ACACA: variants seen among roughly 807,000 people sequenced by gnomAD.
ACACA encodes the protein acetyl-CoA carboxylase alpha.
In ACACA, 103 loss-of-function variants were observed where a neutral mutation model predicts 296.1. The ratio of observed to expected loss-of-function variants is 0.35; its 90% CI spans 0.30 to 0.41. ACACA has a LOEUF of 0.41. Among genes scored for constraint, ACACA ranks in the 10% least tolerant of loss-of-function variants. The pLI is 1.00. For synonymous variants in ACACA, 953 were observed against 1,038.6 expected (o/e 0.92, Z 1.58); for missense variants, 1,554 against 2,989.7 (o/e 0.52, Z 11.20).
At chr17:37,271,865 G>A (rs1014581831) in intron 9 of ACACA, among the ~76,000 whole-genome samples, 3 of 152,122 alleles carry the variant, frequency 2.0e-5, no homozygotes, top group South Asian at 2.1e-4. Context: ...CCAGCTACTC[G>A]GGAGGCTGCG....
At chr17:37,353,347 A>C (rs950423461) in intron 1 of ACACA, among the ~76,000 whole-genome samples, 7 of 152,194 alleles carry the variant, frequency 4.6e-5, no homozygotes, top group Non-Finnish European at 1.0e-4. Context: ...ATGCTTATAA[A>C]AAAAGAAGAT....
chr17:37,385,665 C>A (rs1597771471), intron 1 of ACACA, among the ~76,000 whole-genome samples: 1 of 152,196 alleles, frequency 6.6e-6, no homozygotes, highest in East Asian at 1.9e-4. Context: ...TTGGAGCCAT[C>A]TCTTTTTAAA....
chr17:37,198,675 A>G (rs1290938258), intron 35 of ACACA, among the ~76,000 whole-genome samples: 1 of 152,212 alleles, frequency 6.6e-6, no homozygotes, highest in African/African-American at 2.4e-5. Flanking sequence ...TCCTGACATC[A>G]ATAACACAGG....
At chr17:37,214,273 G>A (rs748477362) in intron 29 of ACACA, among the ~76,000 whole-genome samples, 7 of 152,262 alleles carry the variant, frequency 4.6e-5, no homozygotes, top group East Asian at 1.9e-4. Context: ...TCTGAACCAC[G>A]TATTTCTACT....
In ACACA at chr17:37,185,402, C is replaced by CTTTTT. The variant is rs67821579; in HGVS notation, c.4776+2870_4776+2874dup. Among the ~76,000 whole-genome samples the CTTTTT allele has an allele frequency of 7.8e-4, 38 of 48,434 alleles. 2 individuals carry two copies. Among genetic ancestry groups the CTTTTT allele is most frequent in the Non-Finnish European group, 8.8e-4 (24 of 27,126 alleles). The allele number at this position is 48,434 out of a possible 152,430, so 31.8% of individuals were successfully genotyped here. Reference sequence around the variant, plus strand: ...TGCATGACACCATGCCTGGCTATTTCTTTTTTTTTTTTTTTTTTTTTTTTT... The same window carrying CTTTTT: ...TGCATGACACCATGCCTGGCTATTTCTTTTTTTTTTTTTTTTTTTTTTTTTTTTTT... On this transcript the variant is annotated intron_variant, in intron 39 of 55. Coordinates refer to ENST00000616317, the MANE Select transcript of ACACA (RefSeq NM_198834.3).
chr17:37,345,680 G>A (rs78468101), intron 1 of ACACA, among the ~76,000 whole-genome samples: 18,387 of 152,132 alleles, frequency 0.12, 1,726 homozygotes, highest in East Asian at 0.45. Flanking sequence ...CACCTCTGCG[G>A]TATTTTCCCA....
At chr17:37,089,300 T>C (rs985892097) in intron 54 of ACACA, among the ~76,000 whole-genome samples, 3 of 152,222 alleles carry the variant, frequency 2.0e-5, no homozygotes, top group Non-Finnish European at 2.9e-5. Context: ...GAAGTCTCCA[T>C]GGGGCTCTCC....
intron 3 of ACACA, among the ~76,000 whole-genome samples, chr17:37,298,054 C>T (rs1002258129): frequency 1.3e-5 from 2 of 152,156 alleles, no homozygotes; most frequent in Non-Finnish European, 2.9e-5. Flanking sequence ...AACTGCTGGG[C>T]TCAAGCAATC....
chr17:37,342,406 C>CAAAAA lies in ACACA; in HGVS notation c.39-2561_39-2557dup, dbSNP rs1173872959. On this transcript the variant is annotated intron_variant, in intron 1 of 55. Coordinates refer to ENST00000616317, the MANE Select transcript of ACACA (RefSeq NM_198834.3). ...CTGTGGACAAAGTAAGACTGTCTCT[C>CAAAAA]AAAAAAAAAAAAAAAAAAAAAAAAA... Among the ~76,000 whole-genome samples the CAAAAA allele has an allele frequency of 2.1e-3, 45 of 21,110 alleles. 2 individuals carry two copies. The highest frequency in any genetic ancestry group is 3.6e-3 in the South Asian group (1 of 276). 13.8% of individuals were successfully genotyped at this position (21,110 alleles called of 152,430 possible).
intron 1 of ACACA, among the ~76,000 whole-genome samples, chr17:37,376,775 C>A (rs1053775241): frequency 1.3e-5 from 2 of 151,846 alleles, no homozygotes; most frequent in African/African-American, 4.8e-5. Context: ...GCCAACATGG[C>A]GAAACCCCAT....
At chr17:37,243,290 G>A in intron 22 of ACACA, 81 bp downstream of exon 22, 1 of 1,418,078 alleles carries the variant, frequency 7.1e-7, no homozygotes, top group Non-Finnish European at 1.0e-6. Context: ...AAAGTAAGGA[G>A]GATCCAAATA....
Position 37,277,002 on chromosome 17 carries a change from G to C in ACACA, c.802+31C>G, listed in dbSNP as rs116456895. 440 of 1,589,910 alleles carry C rather than the reference G, an allele frequency of 2.8e-4. 2 individuals carry two copies. The African/African-American group carries it at 5.1e-3, about 19-fold the overall frequency. ...TGGGCAAAATTGACAGAAAGAAACA[G>C]AAAGACGGACAATATGTCAGAACAG... On this transcript the variant is annotated intron_variant, in intron 7 of 55. Transcript: ENST00000616317.
At chr17:37,208,954 T>A (rs1200585159) in intron 30 of ACACA, among the ~76,000 whole-genome samples, 1 of 152,234 alleles carries the variant, frequency 6.6e-6, no homozygotes, top group Non-Finnish European at 1.5e-5. Context: ...GGACTTGATA[T>A]CTGGGTACAT....
chr17:37,397,036 C>T (rs1477947367), intron 1 of ACACA, among the ~76,000 whole-genome samples: 2 of 151,998 alleles, frequency 1.3e-5, no homozygotes, highest in African/African-American at 4.8e-5. Flanking sequence ...ATCCCTCCCC[C>T]ATCCCCCCAC....
At chr17:37,281,716 A>G (rs1168788379) in intron 5 of ACACA, among the ~76,000 whole-genome samples, 4 of 152,078 alleles carry the variant, frequency 2.6e-5, no homozygotes, top group Admixed American at 6.5e-5. Context: ...AAATACAAAA[A>G]TTAGCTGGGC....
chr17:37,310,699 G>A (rs905782001), intron 3 of ACACA, among the ~76,000 whole-genome samples: 4 of 148,526 alleles, frequency 2.7e-5, no homozygotes, highest in Non-Finnish European at 4.4e-5. Context: ...GGAGACTGAA[G>A]CAGGAGAATC....
At chr17:37,201,369 A>C (rs1260971207) in intron 33 of ACACA, among the ~76,000 whole-genome samples, 1 of 152,042 alleles carries the variant, frequency 6.6e-6, no homozygotes, top group East Asian at 1.9e-4. Context: ...TGAACCAAGG[A>C]GGCAGAGGTT....
intron 50 of ACACA, among the ~76,000 whole-genome samples, chr17:37,115,508 G>GA (rs1395092750): frequency 2.0e-5 from 3 of 150,436 alleles, no homozygotes; most frequent in South Asian, 2.1e-4. Context: ...ACCTGAAAAA[G>GA]AAAAAAAAAG....
At position 37,339,852 on chromosome 17, in the gene ACACA, TAG is replaced by T; in HGVS notation, c.39-4_39-3del. 7.9e-7 allele frequency: 1 copy of T among 1,267,008 alleles called. No individual in the cohort carries two copies. Among genetic ancestry groups the T allele is most frequent in the Non-Finnish European group, 1.1e-6 (1 of 904,068 alleles). The allele number at this position is 1,267,008 out of a possible 1,614,324, so 78.5% of individuals were successfully genotyped here. ...GTAGATATCCACTTCCAAAAAGACCTAGAGAGAAAGAGAAAGATTTTAAGGTT... is the reference window on the plus strand; with the variant it reads ...GTAGATATCCACTTCCAAAAAGACCTAGAGAAAGAGAAAGATTTTAAGGTT... On this transcript the variant is annotated splice_region_variant and splice_polypyrimidine_tract_variant and intron_variant, in intron 1 of 55. Transcript: ENST00000616317.
Sources: allele counts gnomAD v4.1 joint callset (sites outside exome capture counted in the v4.1 genomes callset), GRCh38; gene constraint gnomAD v4.1.1; transcripts MANE v1.5; gene names NCBI Gene and HGNC (gene_info 2026-07-23, HGNC 2026-07-21).